FAM222B: variants seen among roughly 807,000 people sequenced by gnomAD.
FAM222B encodes the protein protein FAM222B.
In FAM222B, 12 loss-of-function variants were observed where a neutral mutation model predicts 38.0. That is an observed-to-expected ratio of 0.32 (90% confidence interval 0.20 to 0.51). FAM222B has a LOEUF of 0.51. Among genes scored for constraint, FAM222B ranks in the 20% least tolerant of loss-of-function variants. The pLI, the probability that FAM222B is intolerant of heterozygous loss-of-function variation, is 0.97. For missense variants in FAM222B, 716 were observed against 754.2 expected (o/e 0.95, Z 0.59); for synonymous variants, 329 against 317.2 (o/e 1.04, Z -0.40).
chr17:28,770,317 A>G (rs1434506705), intron 1 of FAM222B, among the ~76,000 whole-genome samples: 1 of 152,198 alleles, frequency 6.6e-6, no homozygotes, highest in Non-Finnish European at 1.5e-5. Context: ...TTTAATCTAC[A>G]TATGTCAATC....
chr17:28,810,659 T>G (rs2037718364), intron 1 of FAM222B, among the ~76,000 whole-genome samples: 1 of 152,234 alleles, frequency 6.6e-6, no homozygotes, highest in South Asian at 2.1e-4. Flanking sequence ...TCATGGAGCC[T>G]TAAGGGACAA....
rs869183871 is a variant in FAM222B, at chr17:28,791,675, A to ATTTTTT, written c.-40-24974_-40-24969dup. On this transcript the variant is annotated intron_variant, in intron 1 of 2. Transcript: ENST00000581407. The stretch of plus-strand genomic sequence containing the variant: ...TCAGGAGAATCACTTGAGCCCAGGA[A>ATTTTTT]TTTTTTTTTTTTTTTTTTTTTTTGA... Among the ~76,000 whole-genome samples, 19 of 116,846 alleles carry ATTTTTT rather than the reference A, an allele frequency of 1.6e-4. 1 individual carries two copies. Among genetic ancestry groups the ATTTTTT allele is most frequent in the Non-Finnish European group, 2.8e-4 (16 of 57,690 alleles). 76.7% of individuals were successfully genotyped at this position (116,846 alleles called of 152,430 possible). A position where few individuals can be genotyped will look rare whatever the true frequency, so the allele number is the denominator to read the frequency against.
At chr17:28,805,879 C>T (rs184631185) in intron 1 of FAM222B, among the ~76,000 whole-genome samples, 12 of 152,130 alleles carry the variant, frequency 7.9e-5, no homozygotes, top group African/African-American at 1.9e-4. Flanking sequence ...CGGTGGGTCA[C>T]GCCTGTAATC....
chr17:28,825,278 C>T (rs2038396075), intron 1 of FAM222B, among the ~76,000 whole-genome samples: 1 of 150,986 alleles, frequency 6.6e-6, no homozygotes, highest in Admixed American at 6.6e-5. Flanking sequence ...ACCAAAAATA[C>T]AAAAAAAATT....
At chr17:28,812,312 G>A (rs995752482) in intron 1 of FAM222B, 1 of 152,356 alleles carries the variant, frequency 6.6e-6, no homozygotes, top group African/African-American at 2.4e-5. Context: ...CCCGCCCCGG[G>A]AGGATGGAAG....
At chr17:28,791,375 G>T (rs2036678229) in intron 1 of FAM222B, among the ~76,000 whole-genome samples, 1 of 152,102 alleles carries the variant, frequency 6.6e-6, no homozygotes, top group East Asian at 1.9e-4. Flanking sequence ...ACTTGGAATA[G>T]GTTTCCTGTA....
intron 1 of FAM222B, among the ~76,000 whole-genome samples, chr17:28,807,244 G>A (rs545787270): frequency 3.4e-4 from 52 of 152,182 alleles, no homozygotes; most frequent in African/African-American, 1.1e-3. Flanking sequence ...TTGAACTCCC[G>A]AACTCAGGTG....
chr17:28,759,320 G>C lies in FAM222B; in HGVS notation c.639C>G (p.Ala213=). ...GGTGCTGGAGACCCTGGTGAGCCAG[G>C]GCCTGAGGGTGGACCAAGCCCTGGG... ...AQTQGLVHPQ[A]LAHQGLQHPH... is the part of the protein sequence containing the mutation. Residue 213 remains alanine, a synonymous_variant, in exon 3 of 3, where the codon GCC becomes GCG. Transcript: ENST00000581407. The surrounding 1 kb of genome is among the most constrained non-coding windows in gnomAD (Gnocchi z 4.8). 6.2e-7 allele frequency: 1 copy of C among 1,611,422 alleles called. No individual in the cohort carries two copies. Among genetic ancestry groups the C allele is most frequent in the South Asian group, 1.1e-5 (1 of 90,598 alleles).
intron 1 of FAM222B, among the ~76,000 whole-genome samples, chr17:28,777,567 T>C (rs1287035215): frequency 6.6e-6 from 1 of 152,182 alleles, no homozygotes; most frequent in East Asian, 1.9e-4. Flanking sequence ...CATCCTTCCA[T>C]GTTACAGAGT....
rs571215294 is a variant in FAM222B, at chr17:28,758,361, A to G, written c.1598T>C (p.Met533Thr). ...QACFREQSLA[M>T]LSKAHRAPGN... ...AGGGGCTCGGTGGGCCTTGCTCAGC[A>G]TGGCCAGGCTCTGTTCTCGGAAGCA... The change falls in exon 3 of 3, where the codon ATG becomes ACG. Residue 533 changes from methionine to threonine, a missense_variant. Coordinates refer to ENST00000581407, the MANE Select transcript of FAM222B (RefSeq NM_001077498.3). 2 of 1,613,538 alleles carry G rather than the reference A, an allele frequency of 1.2e-6. No individual in the cohort carries two copies. The highest frequency in any genetic ancestry group is 1.7e-5 in the Admixed American group (1 of 59,968).
rs2034870971 is a variant in FAM222B at position 28,758,813 on chromosome 17, C to A, written c.1146G>T (p.Gly382=). Reference sequence around the variant, plus strand: ...TGCCTGTCAGGCCAGGGGCTGGCGTCCCACTAGCCTCGCTGCACATCTGCT... The same window carrying A: ...TGCCTGTCAGGCCAGGGGCTGGCGTACCACTAGCCTCGCTGCACATCTGCT... ...HLQQMCSEAS[G]TPAPGLTGKH... The change falls in exon 3 of 3, where the codon GGG becomes GGT. Residue 382 remains glycine (G), a synonymous_variant. Coordinates refer to ENST00000581407, the MANE Select transcript of FAM222B (RefSeq NM_001077498.3). 20 of 1,583,120 alleles carry A rather than the reference C, an allele frequency of 1.3e-5. No homozygotes were observed. The highest frequency in any genetic ancestry group is 1.6e-5 in the Non-Finnish European group (19 of 1,163,748).
intron 1 of FAM222B, among the ~76,000 whole-genome samples, chr17:28,835,027 TGTGTG>T (rs1190993475): frequency 5.3e-5 from 1 of 19,008 alleles, no homozygotes; most frequent in African/African-American, 2.2e-4. Flanking sequence ...GCTAATTTTG[TGTGTG>T]TGTGTGTGTG....
At chr17:28,824,168 C>G (rs980630608) in intron 1 of FAM222B, among the ~76,000 whole-genome samples, 1 of 151,626 alleles carries the variant, frequency 6.6e-6, no homozygotes. Context: ...TGAGCCACCA[C>G]GCCCGGCCGA....
At chr17:28,801,926 A>C (rs2037249834) in intron 1 of FAM222B, among the ~76,000 whole-genome samples, 1 of 151,994 alleles carries the variant, frequency 6.6e-6, no homozygotes, top group Non-Finnish European at 1.5e-5. Context: ...TGTTGTCTAA[A>C]TCATCCCAAT....
At chr17:28,777,218 A>G (rs1039819953) in intron 1 of FAM222B, 28 of 152,178 alleles carry the variant, frequency 1.8e-4, no homozygotes, top group African/African-American at 6.0e-4. Flanking sequence ...ATCTAGAAAT[A>G]TATCTGCCAC....
intron 2 of FAM222B, among the ~76,000 whole-genome samples, chr17:28,764,164 C>T (rs557443649): frequency 6.6e-6 from 1 of 150,532 alleles, no homozygotes; most frequent in East Asian, 2.0e-4. Context: ...CTGAGCTACT[C>T]GAGAGACTAA....
chr17:28,840,450 G>A (rs975118355), intron 1 of FAM222B, among the ~76,000 whole-genome samples: 3 of 152,020 alleles, frequency 2.0e-5, no homozygotes, highest in East Asian at 1.9e-4. Flanking sequence ...TAAAAAACAC[G>A]TCTCAGGAGT....
chr17:28,848,434 G>A (rs1217995277), intron 1 of FAM222B, among the ~76,000 whole-genome samples: 2 of 151,966 alleles, frequency 1.3e-5, no homozygotes, highest in African/African-American at 2.4e-5. Context: ...TGATTGGCAG[G>A]GGAAAAATCC....
intron 1 of FAM222B, among the ~76,000 whole-genome samples, chr17:28,773,398 G>C (rs1208761670): frequency 7.2e-6 from 1 of 139,474 alleles, no homozygotes; most frequent in African/African-American, 2.6e-5. Context: ...AGAATTGCTT[G>C]AACCTGGGAG....
Sources: allele counts gnomAD v4.1 joint callset (sites outside exome capture counted in the v4.1 genomes callset), GRCh38; gene constraint gnomAD v4.1.1; non-coding constraint Gnocchi (gnomAD v3.1); transcripts MANE v1.5; gene names NCBI Gene and HGNC (gene_info 2026-07-23, HGNC 2026-07-21).